The following ZBTB16 variants were observed in gnomAD, a reference collection of about 807,000 sequenced individuals.
The protein encoded by ZBTB16 is zinc finger and BTB domain containing 16, also known as zinc finger and BTB domain-containing protein 16.
In ZBTB16, 8 loss-of-function variants were observed where a neutral mutation model predicts 56.8. The ratio of observed to expected loss-of-function variants is 0.14; its 90% CI spans 0.08 to 0.25. ZBTB16 has a LOEUF of 0.25. Among genes scored for constraint, ZBTB16 ranks in the 10% least tolerant of loss-of-function variants. ZBTB16 has a pLI of 1.00. For missense variants in ZBTB16, 625 were observed against 903.0 expected (o/e 0.69, Z 3.95); for synonymous variants, 363 against 368.5 (o/e 0.98, Z 0.17).
At chr11:114,177,910 C>A (rs1194532165) in intron 3 of ZBTB16, among the ~76,000 whole-genome samples, 1 of 152,188 alleles carries the variant, frequency 6.6e-6, no homozygotes, top group Admixed American at 6.5e-5. Context: ...AACAAATTTA[C>A]TATCCTACTT....
At chr11:114,177,493 G>A (rs764299383) in intron 3 of ZBTB16, among the ~76,000 whole-genome samples, 9 of 152,204 alleles carry the variant, frequency 5.9e-5, no homozygotes, top group East Asian at 3.9e-4. Flanking sequence ...CAGGTGATCC[G>A]CCCGCCTCGG....
intron 4 of ZBTB16, among the ~76,000 whole-genome samples, chr11:114,232,697 A>C (rs79997337): frequency 0.027 from 4,033 of 152,138 alleles, 206 homozygotes; most frequent in African/African-American, 0.091. Context: ...GGGTTGTTGA[A>C]GTTGGTCCGA....
rs1364373848 is a variant in ZBTB16, at chr11:114,233,123, ACACT to A, written c.1454-9042_1454-9039del. Among the ~76,000 whole-genome samples, 384 of 52,126 alleles carry A rather than the reference ACACT, an allele frequency of 7.4e-3. 12 individuals are homozygous for A. Among genetic ancestry groups the A allele is most frequent in the Middle Eastern group, 0.047 (4 of 86 alleles). 34.2% of individuals were successfully genotyped at this position (52,126 alleles called of 152,430 possible). ...CACACACACACACACACACACACAC[ACACT>A]CTCTCTCTCTCACACTCCCTTTCCT... is the stretch of plus-strand genomic sequence containing the variant. On this transcript the variant is annotated intron_variant, in intron 4 of 6. Transcript: ENST00000335953.
chr11:114,131,350 C>G (rs1308867055), intron 2 of ZBTB16, among the ~76,000 whole-genome samples: 1 of 152,218 alleles, frequency 6.6e-6, no homozygotes, highest in Non-Finnish European at 1.5e-5. Flanking sequence ...CTGAGAAACC[C>G]TTTCAAAATT....
intron 2 of ZBTB16, among the ~76,000 whole-genome samples, chr11:114,068,836 G>A (rs1371832352): frequency 6.6e-6 from 1 of 152,214 alleles, no homozygotes; most frequent in African/African-American, 2.4e-5. Context: ...AGGAGCACCT[G>A]ATCATTCTCA....
intron 2 of ZBTB16, among the ~76,000 whole-genome samples, chr11:114,066,302 G>A (rs1939115449): frequency 6.6e-6 from 1 of 152,136 alleles, no homozygotes; most frequent in African/African-American, 2.4e-5. Context: ...AGAGCTAAAC[G>A]TAGCCGACTT....
At chr11:114,212,052 CAT>C (rs1405317616) in intron 4 of ZBTB16, among the ~76,000 whole-genome samples, 2 of 152,082 alleles carry the variant, frequency 1.3e-5, no homozygotes, top group African/African-American at 2.4e-5. Context: ...AGGGTCATCT[CAT>C]GTGTCTTGCC....
Position 114,064,288 on chromosome 11 carries a change from C to T in ZBTB16, c.988C>T (p.His330Tyr), listed in dbSNP as rs1304201578. 8.7e-6 allele frequency: 14 copies of T among 1,614,020 alleles called. No individual in the cohort carries two copies. Among genetic ancestry groups the T allele is most frequent in the East Asian group, 4.5e-5 (2 of 44,890 alleles). Reference sequence around the variant, plus strand: ...GCACCCAGCACCCCCGCCTGAGAAGCATCTGGGCATCTACTCCGTGTTGCC... The same window carrying T: ...GCACCCAGCACCCCCGCCTGAGAAGTATCTGGGCATCTACTCCGTGTTGCC... ...PEHPAPPPEK[H>Y]LGIYSVLPNH... Residue 330 changes from histidine (H) to tyrosine (Y), a missense_variant, in exon 2 of 7, where the codon CAT becomes TAT. Around this residue, in one of 6 missense-constraint regions of ZBTB16, gnomAD observed 384 missense variants for 393.5 expected, o/e 0.98. Transcript: ENST00000335953. The surrounding 1 kb of genome is among the most constrained non-coding windows in gnomAD (Gnocchi z 4.2).
intron 4 of ZBTB16, chr11:114,187,515 C>A (rs1186904056): frequency 4.8e-6 from 1 of 208,678 alleles, no homozygotes; most frequent in African/African-American, 2.3e-5. Context: ...ACAATATTAA[C>A]TCACGATGAT....
At chr11:114,133,772 A>G (rs1941730251) in intron 2 of ZBTB16, among the ~76,000 whole-genome samples, 1 of 152,194 alleles carries the variant, frequency 6.6e-6, no homozygotes, top group South Asian at 2.1e-4. Context: ...ATTGTGGCAC[A>G]GGTGTTCCAC....
intron 4 of ZBTB16, among the ~76,000 whole-genome samples, chr11:114,221,699 A>G (rs1944234934): frequency 6.6e-6 from 1 of 152,056 alleles, no homozygotes; most frequent in Non-Finnish European, 1.5e-5. Flanking sequence ...TGAGATCATG[A>G]ATGGTCCTCT....
intron 4 of ZBTB16, among the ~76,000 whole-genome samples, chr11:114,215,886 T>C (rs911044947): frequency 3.9e-5 from 6 of 152,194 alleles, no homozygotes; most frequent in African/African-American, 1.4e-4. Flanking sequence ...CCATCTGCAA[T>C]AGTCAGGGGC....
In ZBTB16 at chr11:114,166,123, G is replaced by A. The variant is rs1271188216; in HGVS notation, c.1366+9689G>A. On this transcript the variant is annotated intron_variant, in intron 3 of 6. Coordinates refer to ENST00000335953, the MANE Select transcript of ZBTB16 (RefSeq NM_006006.6). ...TCACTCCTCTCCCAGGTGTTCAACT[G>A]CCTAGGTCTGTGGCTGTGGCTCTCC... 3.9e-5 allele frequency among the ~76,000 whole-genome samples: 6 copies of A among 152,002 alleles called. No homozygotes were observed. The East Asian group carries it at 1.2e-3, about 29-fold the overall frequency.
At chr11:114,209,478 C>A (rs1214705189) in intron 4 of ZBTB16, 4 of 985,236 alleles carry the variant, frequency 4.1e-6, no homozygotes, top group Non-Finnish European at 4.8e-6. Context: ...TCCCCAGAGG[C>A]CCCTCTCCCC....
intron 2 of ZBTB16, among the ~76,000 whole-genome samples, chr11:114,086,235 G>A (rs1449212903): frequency 6.6e-6 from 1 of 152,226 alleles, no homozygotes; most frequent in Admixed American, 6.5e-5. Context: ...GGCCAGGAGA[G>A]TGGGATTTGG....
intron 2 of ZBTB16, among the ~76,000 whole-genome samples, chr11:114,154,142 T>A (rs1214099167): frequency 1.3e-5 from 2 of 152,114 alleles, no homozygotes; most frequent in East Asian, 1.9e-4. Context: ...GGAACCCTCA[T>A]GGAGAAGAGA....
At chr11:114,176,778 C>T (rs1402403061) in intron 3 of ZBTB16, among the ~76,000 whole-genome samples, 2 of 152,194 alleles carry the variant, frequency 1.3e-5, no homozygotes, top group Non-Finnish European at 2.9e-5. Flanking sequence ...TTACACAGCT[C>T]AGGCAGTGAC....
chr11:114,063,931 C>G lies in ZBTB16; in HGVS notation c.631C>G (p.Gln211Glu). 3 of 1,613,936 alleles carry G rather than the reference C, an allele frequency of 1.9e-6. No individual in the cohort carries two copies. The highest frequency in any genetic ancestry group is 2.5e-6 in the Non-Finnish European group (3 of 1,180,024). The change falls in exon 2 of 7, where the codon CAG becomes GAG. Residue 211 changes from glutamine (Q) to glutamate (E), a missense_variant. Gln to Glu is a conservative substitution (Grantham distance 29). Around this residue, in one of 6 missense-constraint regions of ZBTB16, gnomAD observed 384 missense variants for 393.5 expected, o/e 0.98. Coordinates refer to ENST00000335953, the MANE Select transcript of ZBTB16 (RefSeq NM_006006.6). This position sits in a 1 kb window ranked among gnomAD's most constrained non-coding sequence, Gnocchi z 6.5. ...AGTGGACAGTTTGATGACCATAGGA[C>G]AGTCTCTCCTGCAGGGAACTCTTCA... ...AAVDSLMTIG[Q>E]SLLQGTLQPP...
chr11:114,102,692 C>T (rs1239461485), intron 2 of ZBTB16, among the ~76,000 whole-genome samples: 1 of 152,042 alleles, frequency 6.6e-6, no homozygotes, highest in Non-Finnish European at 1.5e-5. Flanking sequence ...GTCCTGTAAT[C>T]CTGAGGTGTG....
Sources: allele counts gnomAD v4.1 joint callset (sites outside exome capture counted in the v4.1 genomes callset), GRCh38; gene constraint gnomAD v4.1.1; regional missense constraint gnomAD v4.1.1; non-coding constraint Gnocchi (gnomAD v3.1); transcripts MANE v1.5; gene names NCBI Gene and HGNC (gene_info 2026-07-23, HGNC 2026-07-21).